Variants in PDE6A observed in about 807,000 individuals in gnomAD.
PDE6A encodes the protein phosphodiesterase 6A, also known as rod cGMP-specific 3',5'-cyclic phosphodiesterase subunit alpha.
Under a neutral mutation model 106.3 loss-of-function variants are expected in PDE6A, and 84 were observed. The ratio of observed to expected loss-of-function variants is 0.79; its 90% CI spans 0.66 to 0.95. The LOEUF is 0.95. PDE6A is among the 40% of genes least tolerant of loss of function. The pLI is 0.00. For missense variants in PDE6A, 1,052 were observed against 1,084.9 expected (o/e 0.97, Z 0.43); for synonymous variants, 394 against 386.6 (o/e 1.02, Z -0.23).
At chr5:149,914,189 A>G (rs1170918404) in intron 6 of PDE6A, among the ~76,000 whole-genome samples, 2 of 152,138 alleles carry the variant, frequency 1.3e-5, no homozygotes, top group South Asian at 4.1e-4. Context: ...CTGACTCACA[A>G]CCTGGTCCAC....
At chr5:149,895,345 G>T (rs1752701577) in intron 12 of PDE6A, 55 bp from the exon 13 acceptor site, 9 of 1,248,694 alleles carry the variant, frequency 7.2e-6, no homozygotes, top group South Asian at 1.2e-5. Context: ...GTCTCATGAG[G>T]GTTGGAATAA....
At position 149,910,137 on chromosome 5, in the gene PDE6A, A is replaced by G. The variant is rs181205891; in HGVS notation, c.999-2759T>C. Among the ~76,000 whole-genome samples, 221 of 152,310 alleles carry G rather than the reference A, an allele frequency of 1.5e-3. 2 individuals are homozygous for G. The highest frequency in any genetic ancestry group is 7.2e-4 in the Non-Finnish European group (49 of 68,022). On this transcript the variant is annotated intron_variant, in intron 6 of 21. Transcript: ENST00000255266. ...ATATCTTCCTGTAATATTGAGGTAG[A>G]TTGACCCCTTTATCATTAAGTGACT...
At position 149,914,987 on chromosome 5, in the gene PDE6A, G is replaced by T; in HGVS notation, c.954C>A (p.Val318=). 1 of 1,592,644 alleles carries T rather than the reference G, an allele frequency of 6.3e-7. No individual in the cohort carries two copies. Among genetic ancestry groups the T allele is most frequent in the Non-Finnish European group, 8.6e-7 (1 of 1,163,290 alleles). Residue 318 remains valine (V), a synonymous_variant, in exon 6 of 22, where the codon GTC becomes GTA. Coordinates refer to ENST00000255266, the MANE Select transcript of PDE6A (RefSeq NM_000440.3). ...PDGREINFYK[V]IDYILHGKED... ...CTTTGCCATGCAGGATGTAGTCAAT[G>T]ACCTTGTAAAAGTTAATTTCCTGGC...
At chr5:149,915,032 CTTTTTTTTT>C (rs60750624) in intron 5 of PDE6A, 25 bp from the exon 6 acceptor site, 8 of 795,804 alleles carry the variant, frequency 1.0e-5, no homozygotes, top group East Asian at 3.2e-5. Context: ...AAAAATTATA[CTTTTTTTTT>C]TTTTTTTTTT....
At chr5:149,896,326 G>T in intron 12 of PDE6A, 30 bp downstream of exon 12, 1 of 1,570,402 alleles carries the variant, frequency 6.4e-7, no homozygotes, top group Non-Finnish European at 8.8e-7. Context: ...AATTAAAAAG[G>T]GAAATCATAT....
At chr5:149,884,440 A>T (rs1288912558) in intron 16 of PDE6A, 39 bp downstream of exon 16, 2 of 1,263,752 alleles carry the variant, frequency 1.6e-6, no homozygotes, top group African/African-American at 2.9e-5. Flanking sequence ...ACATATAATC[A>T]TTGTTGCTTT....
intron 5 of PDE6A, among the ~76,000 whole-genome samples, chr5:149,920,992 A>AAAAAGAAAGAAAGAAAG (rs1753701608): frequency 1.5e-5 from 2 of 133,286 alleles, no homozygotes; most frequent in African/African-American, 5.9e-5. Flanking sequence ...GAAAGAAAGA[A>AAAAAGAAAGAAAGAAAG]AGAAAAAGAA....
At chr5:149,896,589 T>C (rs1752760633) in intron 11 of PDE6A, 87 bp from the exon 12 acceptor site, 1 of 1,613,624 alleles carries the variant, frequency 6.2e-7, no homozygotes, top group African/African-American at 1.3e-5. Context: ...CCATCCTGGG[T>C]CTGCTGGAAG....
chr5:149,880,932 G>T (rs369065477), intron 17 of PDE6A, among the ~76,000 whole-genome samples: 1 of 151,894 alleles, frequency 6.6e-6, no homozygotes, highest in East Asian at 1.9e-4. Context: ...GAATGGTGGC[G>T]GGTGCCTGTA....
chr5:149,906,744 T>C (rs1301308944), intron 7 of PDE6A, among the ~76,000 whole-genome samples: 1 of 151,548 alleles, frequency 6.6e-6, no homozygotes, highest in Non-Finnish European at 1.5e-5. Flanking sequence ...TGACCCCATC[T>C]GCCTAAGACC....
intron 4 of PDE6A, among the ~76,000 whole-genome samples, chr5:149,925,727 GTT>G (rs1753847893): frequency 2.2e-5 from 3 of 134,690 alleles, no homozygotes; most frequent in Admixed American, 7.3e-5. Context: ...AAAAAAAAGA[GTT>G]AGTAATTAAT....
At chr5:149,873,002 C>A (rs1039731316) in intron 17 of PDE6A, among the ~76,000 whole-genome samples, 2 of 152,106 alleles carry the variant, frequency 1.3e-5, no homozygotes, top group South Asian at 4.1e-4. Flanking sequence ...AGGGCCAGCT[C>A]GTCCATTCAA....
At chr5:149,884,298 G>A (rs563796533) in intron 16 of PDE6A, among the ~76,000 whole-genome samples, 181 bp downstream of exon 16, 3 of 146,322 alleles carry the variant, frequency 2.1e-5, no homozygotes, top group East Asian at 3.9e-4. Context: ...GTGTATATAT[G>A]TATATATGTG....
At chr5:149,923,479 C>T (rs1561772528) in intron 4 of PDE6A, among the ~76,000 whole-genome samples, 1 of 152,004 alleles carries the variant, frequency 6.6e-6, no homozygotes, top group African/African-American at 2.4e-5. Context: ...GCCTGGGTGA[C>T]AGAGTGAGAC....
rs769569931 is a variant in PDE6A, at chr5:149,860,946, TC to T, written c.2531del (p.Gly844GlufsTer48). 2.3e-5 allele frequency: 37 copies of T among 1,613,930 alleles called. No individual in the cohort carries two copies. In the African/African-American group the frequency reaches 3.7e-4, roughly 16 times the overall value. On this transcript the variant is annotated frameshift_variant, in exon 22 of 22. Transcript: ENST00000255266. LOFTEE classifies it high-confidence loss of function. ...TAGTTGCACCCCCTGGGCTGGGGTT[TC>T]CCCCCGGCTGATTTCCTGCGGCTGC... ...KSAAAGNQPG[G>X]NPSPGGATTS... is the part of the protein sequence containing the mutation.
intron 4 of PDE6A, among the ~76,000 whole-genome samples, chr5:149,922,211 A>G (rs1753743531): frequency 6.6e-6 from 1 of 152,172 alleles, no homozygotes; most frequent in African/African-American, 2.4e-5. Flanking sequence ...CTGATAAGTG[A>G]CAAATGTGAG....
intron 6 of PDE6A, among the ~76,000 whole-genome samples, chr5:149,914,202 T>C (rs1753478956): frequency 6.6e-6 from 1 of 152,190 alleles, no homozygotes. Context: ...TGGTCCACTG[T>C]AGCCCTCATC....
At chr5:149,899,787 A>T (rs1481702670) in intron 8 of PDE6A, among the ~76,000 whole-genome samples, 2 of 152,214 alleles carry the variant, frequency 1.3e-5, no homozygotes, top group Non-Finnish European at 2.9e-5. Flanking sequence ...TGTTACAGGG[A>T]TGTAATGATG....
At chr5:149,877,347 G>A (rs547090639) in intron 17 of PDE6A, among the ~76,000 whole-genome samples, 150 of 152,228 alleles carry the variant, frequency 9.9e-4, no homozygotes, top group African/African-American at 3.4e-3. Flanking sequence ...GGAGGCCGAG[G>A]TGTAAGAATG....
Sources: allele counts gnomAD v4.1 joint callset (sites outside exome capture counted in the v4.1 genomes callset), GRCh38; gene constraint gnomAD v4.1.1; transcripts MANE v1.5; gene names NCBI Gene and HGNC (gene_info 2026-07-23, HGNC 2026-07-21).